Variants in CUX1 observed in about 807,000 individuals in gnomAD.
CUX1 encodes the protein cut like homeobox 1.
Under a neutral mutation model 158.8 loss-of-function variants are expected in CUX1, and 31 were observed. The observed-to-expected ratio is 0.20, with a 90% CI of 0.15 to 0.26. The LOEUF is 0.26. Ranked by LOEUF, CUX1 falls within the 10% of genes least tolerant of loss-of-function variation. The probability of loss-of-function intolerance (pLI) is 1.00; values close to 1 mark genes in which losing one functional copy is unlikely to be tolerated. For missense variants in CUX1, 1,589 were observed against 2,014.6 expected, an observed-to-expected ratio of 0.79 and a Z score of 4.04; for synonymous variants, 879 against 862.1, an observed-to-expected ratio of 1.02 and a Z score of -0.34.
intron 13 of CUX1, among the ~76,000 whole-genome samples, chr7:102,194,623 C>A (rs1231156881): frequency 1.3e-5 from 2 of 150,798 alleles, no homozygotes; most frequent in Admixed American, 1.3e-4. Context: ...CATTAAAGAG[C>A]AGCCAAAAAT....
intron 2 of CUX1, among the ~76,000 whole-genome samples, chr7:101,993,651 C>G (rs893785248): frequency 6.6e-6 from 1 of 152,236 alleles, no homozygotes; most frequent in Non-Finnish European, 1.5e-5. Context: ...AGCACCTCCA[C>G]GGCCTAGCTA....
At chr7:102,150,785 T>C (rs1162192604) in intron 8 of CUX1, among the ~76,000 whole-genome samples, 1 of 152,226 alleles carries the variant, frequency 6.6e-6, no homozygotes, top group African/African-American at 2.4e-5. Flanking sequence ...TGATCTGTGG[T>C]GAACTGATTG....
At position 102,254,137 on chromosome 7, in the gene CUX1, C is replaced by T. The variant is rs1554541183; in HGVS notation, c.*5095C>T. On this transcript the variant is annotated 3_prime_UTR_variant, in exon 24 of 24. Coordinates refer to ENST00000292535, the MANE Select transcript of CUX1 (RefSeq NM_181552.4). ...TGCTCTGCAAGGCACACGGATGTTT[C>T]CCTTCCACCTGTTCCCAAAGCTCCA... is the stretch of plus-strand genomic sequence containing the variant. The T allele has an allele frequency of 1.0e-6, 1 of 985,304 alleles. No homozygotes were observed. The highest frequency in any genetic ancestry group is 1.2e-6 in the Non-Finnish European group (1 of 829,958). The allele number at this position is 985,304 out of a possible 1,614,324, so 61.0% of individuals were successfully genotyped here.
intron 2 of CUX1, among the ~76,000 whole-genome samples, chr7:102,010,396 CAAAAAA>C (rs35965710): frequency 1.1e-5 from 1 of 90,250 alleles, no homozygotes; most frequent in Non-Finnish European, 2.2e-5. Flanking sequence ...GACTCTGTCT[CAAAAAA>C]AAAAAAAAAA....
chr7:101,902,202 T>C (rs557764242), intron 1 of CUX1, among the ~76,000 whole-genome samples: 42 of 152,322 alleles, frequency 2.8e-4, no homozygotes, highest in African/African-American at 9.4e-4. Flanking sequence ...CGGCCGAATC[T>C]GGATTCAAAT....
At chr7:101,938,726 C>G (rs947737340) in intron 2 of CUX1, among the ~76,000 whole-genome samples, 8 of 151,840 alleles carry the variant, frequency 5.3e-5, no homozygotes, top group Non-Finnish European at 1.0e-4. Context: ...GCCAACATGG[C>G]AAAACCCTGT....
intron 8 of CUX1, among the ~76,000 whole-genome samples, chr7:102,147,930 C>T (rs1212496557): frequency 2.0e-5 from 3 of 152,082 alleles, no homozygotes; most frequent in East Asian, 1.9e-4. Flanking sequence ...GAACCGAGAT[C>T]GCCCCACTGC....
At chr7:102,089,538 T>C (rs1828306119) in intron 4 of CUX1, among the ~76,000 whole-genome samples, 1 of 152,230 alleles carries the variant, frequency 6.6e-6, no homozygotes, top group Non-Finnish European at 1.5e-5. Flanking sequence ...GGTGGGACAC[T>C]TCCAGTGTCT....
At chr7:101,927,802 A>ATT (rs1283261031) in intron 2 of CUX1, among the ~76,000 whole-genome samples, 1 of 152,248 alleles carries the variant, frequency 6.6e-6, no homozygotes, top group East Asian at 1.9e-4. Flanking sequence ...TAGGTAATTA[A>ATT]CGAGGAGCTA....
chr7:101,853,497 CTT>C lies in CUX1; in HGVS notation c.30+35830_30+35831del, dbSNP rs1562930133. Among the ~76,000 whole-genome samples, 3 of 152,022 alleles carry C rather than the reference CTT, an allele frequency of 2.0e-5. No individual in the cohort carries two copies. In the South Asian group the frequency reaches 6.2e-4, roughly 31 times the overall value. On this transcript the variant is annotated intron_variant, in intron 1 of 23. Coordinates refer to ENST00000292535, the MANE Select transcript of CUX1 (RefSeq NM_181552.4). ...CTTTGTCTGTTTTCCTCGTTTCCCT[CTT>C]TGTTTTGGTCCCAGTTAGAGGTTTC...
chr7:101,901,561 C>T (rs1802145389), intron 1 of CUX1, among the ~76,000 whole-genome samples: 3 of 152,236 alleles, frequency 2.0e-5, no homozygotes, highest in South Asian at 2.1e-4. Context: ...TCCCAAAGTG[C>T]GGGGGTTACA....
chr7:101,829,587 G>A (rs1391194627), intron 1 of CUX1, among the ~76,000 whole-genome samples: 1 of 151,804 alleles, frequency 6.6e-6, no homozygotes, highest in African/African-American at 2.4e-5. Context: ...TGGGGTCATC[G>A]GGTGACTCAG....
intron 3 of CUX1, among the ~76,000 whole-genome samples, chr7:102,055,535 C>A (rs1824034593): frequency 6.6e-6 from 1 of 152,100 alleles, no homozygotes; most frequent in Non-Finnish European, 1.5e-5. Context: ...TGTTTGGGGA[C>A]ACCACAAACT....
chr7:102,129,637 T>C (rs1338547319), intron 8 of CUX1, among the ~76,000 whole-genome samples: 4 of 152,170 alleles, frequency 2.6e-5, no homozygotes, highest in African/African-American at 7.2e-5. Flanking sequence ...TGAGCCGAGA[T>C]TGTGCCATTG....
chr7:102,043,640 G>A (rs1359669761), intron 3 of CUX1, among the ~76,000 whole-genome samples: 3 of 152,084 alleles, frequency 2.0e-5, no homozygotes, highest in Admixed American at 2.0e-4. Flanking sequence ...GTTGTTGGAT[G>A]CTTAGTCTGT....
intron 3 of CUX1, among the ~76,000 whole-genome samples, chr7:102,049,581 T>C (rs1295569002): frequency 6.6e-6 from 1 of 152,054 alleles, no homozygotes; most frequent in Non-Finnish European, 1.5e-5. Flanking sequence ...CTCACACCTG[T>C]AATCCCAGGT....
At chr7:101,974,048 G>A (rs1247291746) in intron 2 of CUX1, among the ~76,000 whole-genome samples, 3 of 151,010 alleles carry the variant, frequency 2.0e-5, no homozygotes, top group Admixed American at 6.6e-5. Context: ...GATTACAGGC[G>A]TGAACCACTG....
At chr7:102,264,004 C>CTTTT (rs60225596) in intron 14 of CUX1, among the ~76,000 whole-genome samples, 2 of 100,958 alleles carry the variant, frequency 2.0e-5, no homozygotes, top group South Asian at 3.6e-4. Flanking sequence ...AAGTTAACTT[C>CTTTT]TTTTTTTTTT....
intron 1 of CUX1, among the ~76,000 whole-genome samples, chr7:101,855,221 A>T (rs1243629983): frequency 2.6e-5 from 4 of 152,230 alleles, no homozygotes; most frequent in Admixed American, 2.6e-4. Context: ...CCTGCCTCCC[A>T]GTGAAACCCT....
Sources: allele counts gnomAD v4.1 joint callset (sites outside exome capture counted in the v4.1 genomes callset), GRCh38; gene constraint gnomAD v4.1.1; transcripts MANE v1.5; gene names NCBI Gene and HGNC (gene_info 2026-07-23, HGNC 2026-07-21).